The following CHGA variants were observed in gnomAD, a reference collection of about 807,000 sequenced individuals.
CHGA encodes the protein chromogranin-A.
A neutral mutation model predicts 54.4 loss-of-function variants in CHGA; 41 were observed. The observed-to-expected ratio is 0.75, with a 90% CI of 0.59 to 0.98. The LOEUF is 0.98. Among genes scored for constraint, CHGA ranks in the 50% least tolerant of loss-of-function variants. The pLI, the probability that CHGA is intolerant of heterozygous loss-of-function variation, is 0.00. For missense variants in CHGA, 576 were observed against 582.3 expected (o/e 0.99, Z 0.11); for synonymous variants, 249 against 232.8 (o/e 1.07, Z -0.63).
At chr14:92,931,844 A>G in intron 6 of CHGA, 142 bp downstream of exon 6, 1 of 855,492 alleles carries the variant, frequency 1.2e-6, no homozygotes, top group Non-Finnish European at 1.8e-6. Flanking sequence ...TGGACAAATG[A>G]GGCTCAGAGA....
At position 92,929,617 on chromosome 14, in the gene CHGA, G is replaced by T; in HGVS notation, c.257-100G>T. The T allele has an allele frequency of 2.9e-6, 3 of 1,027,606 alleles. 1 individual carries two copies. Among genetic ancestry groups the T allele is most frequent in the Non-Finnish European group, 3.0e-6 (2 of 669,390 alleles). 63.7% of individuals were successfully genotyped at this position (1,027,606 alleles called of 1,614,324 possible). ...TCATTGGGCAGGCCCTGAACATGAT[G>T]TGCCCAGCTTACAGATGGGGAAATG... On this transcript the variant is annotated intron_variant, in intron 4 of 7. Transcript: ENST00000216492.
chr14:92,926,610 G>GAAAT lies in CHGA; in HGVS notation c.100_103dup (p.Cys35Ter). 6.2e-7 allele frequency: 1 copy of GAAAT among 1,613,946 alleles called. No homozygotes were observed. The highest frequency in any genetic ancestry group is 1.1e-5 in the South Asian group (1 of 91,080). On this transcript the variant is annotated frameshift_variant, in exon 3 of 8. Transcript: ENST00000216492. LOFTEE classifies it high-confidence loss of function. ...CCCCTGCACTGTGTTCCCAGGTGAT[G>GAAAT]AAATGCATCGTTGAGGTCATCTCCG...
intron 5 of CHGA, among the ~76,000 whole-genome samples, chr14:92,930,042 G>A (rs555558455): frequency 1.7e-4 from 26 of 152,326 alleles, no homozygotes; most frequent in African/African-American, 5.5e-4. Context: ...CAAAGCCCTC[G>A]CTCGGTCCCG....
At position 92,932,293 on chromosome 14, in the gene CHGA, C is replaced by T. The variant is rs1159236348; in HGVS notation, c.809-77C>T. On this transcript the variant is annotated intron_variant, in intron 6 of 7. Coordinates refer to ENST00000216492, the MANE Select transcript of CHGA (RefSeq NM_001275.4). This position sits in a 1 kb window ranked among gnomAD's most constrained non-coding sequence, Gnocchi z 5.3. Reference sequence around the variant, plus strand: ...GGCTGGGCTGTGGCCGCAGCAGAGGCCCCCAGGGAGTGGCAGAGACTGGGA... The same window carrying T: ...GGCTGGGCTGTGGCCGCAGCAGAGGTCCCCAGGGAGTGGCAGAGACTGGGA... 8 of 1,479,746 alleles carry T rather than the reference C, an allele frequency of 5.4e-6. No homozygotes were observed. In the African/African-American group the frequency reaches 1.1e-4, roughly 21 times the overall value. 91.7% of individuals were successfully genotyped at this position (1,479,746 alleles called of 1,614,324 possible). A position where few individuals can be genotyped will look rare whatever the true frequency, so the allele number is the denominator to read the frequency against.
rs1386772514 is a variant in CHGA, at chr14:92,931,328, C to T, written c.434C>T (p.Ala145Val). ...AAGGAGGCAGAGAAAAGTGGTGAAG[C>T]CACAGACGGAGCCAGGCCCCAGGCC... ...DSKEAEKSGEATDGARPQALP... is the reference protein window; with the variant it reads ...DSKEAEKSGEVTDGARPQALP... Residue 145 changes from alanine (A) to valine (V), a missense_variant, in exon 6 of 8, where the codon GCC (alanine) becomes GTC (valine). By Grantham distance (64) the Ala-to-Val change is moderately conservative (BLOSUM62 0). Transcript: ENST00000216492. 1 of 1,613,734 alleles carries T rather than the reference C, an allele frequency of 6.2e-7. No individual in the cohort carries two copies. Among genetic ancestry groups the T allele is most frequent in the Non-Finnish European group, 8.5e-7 (1 of 1,179,986 alleles).
chr14:92,931,985 GCT>G (rs1887009093), intron 6 of CHGA, among the ~76,000 whole-genome samples: 1 of 152,188 alleles, frequency 6.6e-6, no homozygotes, highest in African/African-American at 2.4e-5. Context: ...AACCCCAGAA[GCT>G]AGGGGTGGGT....
intron 4 of CHGA, among the ~76,000 whole-genome samples, chr14:92,928,242 G>A (rs756437475): frequency 2.2e-4 from 33 of 152,214 alleles, no homozygotes; most frequent in Non-Finnish European, 4.6e-4. Context: ...TGTTTTTCAG[G>A]GCTGGGCTTG....
intron 5 of CHGA, 93 bp downstream of exon 5, chr14:92,929,908 G>A: frequency 1.1e-6 from 1 of 932,996 alleles, no homozygotes; most frequent in South Asian, 1.4e-5. Flanking sequence ...TGAGTCGGGA[G>A]CCCCACCCAT....
chr14:92,927,973 T>C (rs1041479732), intron 4 of CHGA, among the ~76,000 whole-genome samples: 1 of 152,216 alleles, frequency 6.6e-6, no homozygotes, highest in African/African-American at 2.4e-5. Flanking sequence ...GACAGGATAC[T>C]GGAGTGGAGG....
chr14:92,926,817 G>GGGCAC, intron 3 of CHGA, 119 bp downstream of exon 3: 1 of 832,064 alleles, frequency 1.2e-6, no homozygotes, highest in South Asian at 1.5e-5. Context: ...CTGAGTGCCC[G>GGGCAC]TCATGTCCAG....
intron 3 of CHGA, 79 bp downstream of exon 3, chr14:92,926,777 G>A (rs1566673117): frequency 8.3e-7 from 1 of 1,198,842 alleles, no homozygotes; most frequent in Non-Finnish European, 1.2e-6. Context: ...GCTTTTGGTG[G>A]AATTAATGAT....
chr14:92,924,976 T>C (rs886916787), intron 2 of CHGA, among the ~76,000 whole-genome samples: 9 of 152,130 alleles, frequency 5.9e-5, no homozygotes, highest in African/African-American at 1.2e-4. Context: ...CAGAAACTAT[T>C]CTCTTCCACT....
Position 92,931,238 on chromosome 14 carries a change from C to G in CHGA, c.356-12C>G, listed in dbSNP as rs1459804661. 1.3e-6 allele frequency: 2 copies of G among 1,598,690 alleles called. No individual in the cohort carries two copies. Among genetic ancestry groups the G allele is most frequent in the Non-Finnish European group, 1.7e-6 (2 of 1,169,616 alleles). On this transcript the variant is annotated splice_polypyrimidine_tract_variant and intron_variant, in intron 5 of 7. Transcript: ENST00000216492. Reference sequence around the variant, plus strand: ...GTCCTCAGGGCCTGACTTGGCTGTGCTGTGTCTGCAGAGGCGGTGGAAGAG... The same window carrying G: ...GTCCTCAGGGCCTGACTTGGCTGTGGTGTGTCTGCAGAGGCGGTGGAAGAG...
chr14:92,932,485 G>A lies in CHGA; in HGVS notation c.924G>A (p.Glu308=). 1 of 1,555,542 alleles carries A rather than the reference G, an allele frequency of 6.4e-7. No homozygotes were observed. The highest frequency in any genetic ancestry group is 1.4e-5 in the African/African-American group (1 of 73,556). The change falls in exon 7 of 8, where the codon GAG becomes GAA. Residue 308 remains glutamate (E), a synonymous_variant. Transcript: ENST00000216492. The surrounding 1 kb of genome is among the most constrained non-coding windows in gnomAD (Gnocchi z 5.3). ...CCCAGCAGAAAGAGGAGGAGGAGGA[G>A]ATGGCAGTGGTCCCGCAAGGCCTCT... ...EHSQQKEEEE[E]MAVVPQGLFR... is the part of the protein sequence containing the mutation.
At chr14:92,923,090 C>T (rs9658638), upstream of CHGA, 49,532 of 296,680 alleles carry the variant, frequency 0.17, 4,374 homozygotes, top group South Asian at 0.22. Context: ...AAGGGGGCGG[C>T]ACCGCTGACG....
chr14:92,926,553 C>T, intron 2 of CHGA, 52 bp from the exon 3 acceptor site: 1 of 1,477,694 alleles, frequency 6.8e-7, no homozygotes, highest in Non-Finnish European at 9.5e-7. Context: ...CCTCCAGGGA[C>T]TGAGCCCCAT....
Position 92,929,720 on chromosome 14 carries a change from C to A in CHGA, c.260C>A (p.Ala87Asp), listed in dbSNP as rs778254819. 1 of 1,613,784 alleles carries A rather than the reference C, an allele frequency of 6.2e-7. No individual in the cohort carries two copies. The highest frequency in any genetic ancestry group is 1.3e-5 in the African/African-American group (1 of 74,912). Residue 87 changes from alanine to aspartate, a missense_variant, in exon 5 of 8, where the codon GCC becomes GAC. Coordinates refer to ENST00000216492, the MANE Select transcript of CHGA (RefSeq NM_001275.4). ...KELQDLALQG[A>D]KERAHQQKKH... ...TTCCCTCCTTTTCTCATACCAGGCG[C>A]CAAGGAGAGGGCACATCAGCAGAAG...
At chr14:92,925,298 T>C (rs1886865703) in intron 2 of CHGA, among the ~76,000 whole-genome samples, 1 of 152,166 alleles carries the variant, frequency 6.6e-6, no homozygotes, top group Non-Finnish European at 1.5e-5. Context: ...CTCTACCCAA[T>C]TCCTGCCTCC....
chr14:92,928,807 T>C (rs191609902), intron 4 of CHGA, among the ~76,000 whole-genome samples: 40 of 152,358 alleles, frequency 2.6e-4, no homozygotes, highest in African/African-American at 9.4e-4. Context: ...TGTATTTCTG[T>C]CCATCCGTCT....
Sources: gnomAD v4.1 joint callset for allele counts (sites outside exome capture counted in the v4.1 genomes callset) on GRCh38, gnomAD v4.1.1 for gene constraint, Gnocchi (gnomAD v3.1) non-coding constraint, MANE v1.5 for transcripts, NCBI Gene and HGNC (gene_info 2026-07-23, HGNC 2026-07-21) for gene names.